Variants in SEM1 observed in about 807,000 individuals in gnomAD.
SEM1 encodes the protein SEM1 26S proteasome subunit.
In SEM1, 3 loss-of-function variants were observed where a neutral mutation model predicts 12.7. The observed-to-expected ratio is 0.24, with a 90% CI of 0.11 to 0.61. The LOEUF is 0.61. SEM1 is among the 20% of genes least tolerant of loss of function. The pLI is 0.88. For missense variants in SEM1, 59 were observed against 81.3 expected, an observed-to-expected ratio of 0.73 and a Z score of 1.06; for synonymous variants, 30 against 27.8, an observed-to-expected ratio of 1.08 and a Z score of -0.25.
At chr7:96,657,248 G>A (rs1809212291) in intron 2 of SEM1, among the ~76,000 whole-genome samples, 1 of 152,176 alleles carries the variant, frequency 6.6e-6, no homozygotes, top group Non-Finnish European at 1.5e-5. Flanking sequence ...ATTCTAAATT[G>A]AGGGTGGCTT....
chr7:96,524,174 T>A (rs1804372365), intron 2 of SEM1, among the ~76,000 whole-genome samples: 6 of 152,172 alleles, frequency 3.9e-5, no homozygotes, highest in Admixed American at 2.0e-4. Flanking sequence ...CTTCTACTCA[T>A]CTCTTGTAGA....
At chr7:96,510,923 T>G (rs1803916022) in intron 2 of SEM1, among the ~76,000 whole-genome samples, 1 of 152,118 alleles carries the variant, frequency 6.6e-6, no homozygotes, top group Non-Finnish European at 1.5e-5. Flanking sequence ...GAAAGCTGAT[T>G]GACCCTCAGT....
At chr7:96,617,622 TAGAG>T (rs1228548484), downstream of SEM1, among the ~76,000 whole-genome samples, 1 of 152,162 alleles carries the variant, frequency 6.6e-6, no homozygotes, top group Non-Finnish European at 1.5e-5. Context: ...TTCCAGTTCT[TAGAG>T]AGAATGCTTT....
At chr7:96,495,587 A>G (rs1803208596) in intron 1 of SEM1, among the ~76,000 whole-genome samples, 1 of 152,158 alleles carries the variant, frequency 6.6e-6, no homozygotes, top group Non-Finnish European at 1.5e-5. Flanking sequence ...TGAATAAACT[A>G]TTGTTCTGGC....
chr7:96,595,999 G>A (rs1394076517), intron 2 of SEM1, among the ~76,000 whole-genome samples: 1 of 152,186 alleles, frequency 6.6e-6, no homozygotes, highest in Non-Finnish European at 1.5e-5. Flanking sequence ...TGGAGGGGAG[G>A]GAGTTGGGAA....
chr7:96,683,087 C>T (rs1303786618), intron 2 of SEM1, among the ~76,000 whole-genome samples: 5 of 151,632 alleles, frequency 3.3e-5, no homozygotes, highest in Non-Finnish European at 5.9e-5. Context: ...GAAATAGGAA[C>T]GCTTTTACAC....
intron 2 of SEM1, among the ~76,000 whole-genome samples, chr7:96,549,053 T>C (rs1408775220): frequency 6.6e-6 from 1 of 152,158 alleles, no homozygotes; most frequent in East Asian, 1.9e-4. Flanking sequence ...TTTCCCCTGA[T>C]ATTTGGCAAG....
chr7:96,680,031 G>A (rs1181041325), intron 2 of SEM1, among the ~76,000 whole-genome samples: 1 of 152,082 alleles, frequency 6.6e-6, no homozygotes, highest in Non-Finnish European at 1.5e-5. Flanking sequence ...GGTCATACCA[G>A]AAGATACTGG....
intron 2 of SEM1, among the ~76,000 whole-genome samples, chr7:96,563,358 A>G (rs1212871206): frequency 6.6e-6 from 1 of 152,014 alleles, no homozygotes; most frequent in African/African-American, 2.4e-5. Context: ...TTTGGGGGAA[A>G]AAAAGGAGAA....
chr7:96,670,988 A>G (rs1424746512), downstream of SEM1, among the ~76,000 whole-genome samples: 1 of 152,160 alleles, frequency 6.6e-6, no homozygotes, highest in Non-Finnish European at 1.5e-5. Flanking sequence ...GAAAATGTCA[A>G]ATCAGTACAA....
At chr7:96,699,032 T>C (rs1790189136) in intron 1 of SEM1, among the ~76,000 whole-genome samples, 1 of 152,200 alleles carries the variant, frequency 6.6e-6, no homozygotes, top group South Asian at 2.1e-4. Flanking sequence ...TCTCATCTTT[T>C]CCAAGCCCTT....
At chr7:96,579,495 G>T (rs1056458494) in intron 2 of SEM1, among the ~76,000 whole-genome samples, 4 of 152,128 alleles carry the variant, frequency 2.6e-5, no homozygotes, top group African/African-American at 9.7e-5. Context: ...ACTTCCTAAA[G>T]TATCTACATA....
At chr7:96,599,994 T>G (rs895396258) in intron 2 of SEM1, among the ~76,000 whole-genome samples, 2 of 152,156 alleles carry the variant, frequency 1.3e-5, no homozygotes, top group Non-Finnish European at 2.9e-5. Context: ...AACACGCGAG[T>G]CTGTTGCTAC....
intron 2 of SEM1, among the ~76,000 whole-genome samples, chr7:96,603,885 G>A (rs1460161012): frequency 5.4e-5 from 8 of 148,012 alleles, no homozygotes; most frequent in African/African-American, 2.0e-4. Flanking sequence ...TTACAGGATA[G>A]TTTTTTTTTT....
intron 2 of SEM1, among the ~76,000 whole-genome samples, chr7:96,567,333 ACCTTTATC>A (rs76496762): frequency 0.11 from 16,129 of 151,512 alleles, 1,035 homozygotes; most frequent in Non-Finnish European, 0.14. Flanking sequence ...GACAAATACT[ACCTTTATC>A]CCTTTATATT....
upstream of SEM1, chr7:96,496,384 T>C: frequency 1.0e-6 from 1 of 1,001,302 alleles, no homozygotes; most frequent in East Asian, 2.7e-5. Flanking sequence ...TATAAAAGAG[T>C]GTAAAGCCAA....
chr7:96,509,705 T>C (rs1803875743), intron 2 of SEM1, among the ~76,000 whole-genome samples: 1 of 152,168 alleles, frequency 6.6e-6, no homozygotes, highest in Non-Finnish European at 1.5e-5. Flanking sequence ...TGGAATATTA[T>C]TCAGCCTTAA....
intron 2 of SEM1, among the ~76,000 whole-genome samples, chr7:96,577,378 T>C (rs1806241087): frequency 6.6e-6 from 1 of 152,102 alleles, no homozygotes; most frequent in African/African-American, 2.4e-5. Context: ...CCAAAAACCT[T>C]GCAAAGTGAC....
intron 2 of SEM1, among the ~76,000 whole-genome samples, chr7:96,522,626 C>A (rs1319463879): frequency 6.6e-6 from 1 of 151,508 alleles, no homozygotes; most frequent in Non-Finnish European, 1.5e-5. Context: ...ACCTGTAATC[C>A]CAGCACTTTG....
Sources: allele counts gnomAD v4.1 joint callset (sites outside exome capture counted in the v4.1 genomes callset), GRCh38; gene constraint gnomAD v4.1.1; transcripts MANE v1.5; gene names NCBI Gene and HGNC (gene_info 2026-07-23, HGNC 2026-07-21).